Variants in SLC25A24 observed in about 807,000 individuals in gnomAD.
SLC25A24 encodes the protein solute carrier family 25 member 24.
Under a neutral mutation model 60.7 loss-of-function variants are expected in SLC25A24, and 49 were observed. The ratio of observed to expected loss-of-function variants is 0.81; its 90% CI spans 0.64 to 1.02. SLC25A24 has a LOEUF of 1.02. SLC25A24 is among the 50% of genes least tolerant of loss of function. The probability of loss-of-function intolerance (pLI) is 0.00; values close to 1 mark genes in which losing one functional copy is unlikely to be tolerated. For missense variants in SLC25A24, 564 were observed against 586.3 expected (o/e 0.96, Z 0.39); for synonymous variants, 202 against 200.6 (o/e 1.01, Z -0.06).
chr1:108,192,646 G>A lies in SLC25A24; in HGVS notation c.184-6692C>T, dbSNP rs1648380942. On this transcript the variant is annotated intron_variant, in intron 1 of 9. Transcript: ENST00000565488. ...TCGAGGATGTCTCCCTCGCAGCTCC[G>A]CGGCCTGAGTGAGCCCCAGCGGGGT... 3 of 1,488,610 alleles carry A rather than the reference G, an allele frequency of 2.0e-6. 1 individual carries two copies. The highest frequency in any genetic ancestry group is 4.2e-5 in the Admixed American group (2 of 47,096). 92.2% of individuals were successfully genotyped at this position (1,488,610 alleles called of 1,614,324 possible). A position where few individuals can be genotyped will look rare whatever the true frequency, so the allele number is the denominator to read the frequency against.
At chr1:108,193,379 C>G (rs552902063) in intron 1 of SLC25A24, among the ~76,000 whole-genome samples, 6 of 137,458 alleles carry the variant, frequency 4.4e-5, no homozygotes, top group African/African-American at 1.5e-4. Context: ...TTGTTCCCAT[C>G]TTTATGCCCC....
In SLC25A24 at chr1:108,135,945, C is replaced by T. The variant is rs372767657; in HGVS notation, c.*708G>A. The T allele has an allele frequency of 3.7e-4, 56 of 152,256 alleles. No homozygotes were observed. The highest frequency in any genetic ancestry group is 1.3e-3 in the African/African-American group (53 of 41,568). 9.4% of individuals were successfully genotyped at this position (152,256 alleles called of 1,614,324 possible). ...CTTTTCAAAGCAATGGCAGGATAAA[C>T]GGAATCTTTCAAATAAATTGCCTTG... On this transcript the variant is annotated 3_prime_UTR_variant, in exon 10 of 10. Coordinates refer to ENST00000565488, the MANE Select transcript of SLC25A24 (RefSeq NM_013386.5).
intron 3 of SLC25A24, among the ~76,000 whole-genome samples, chr1:108,180,859 A>G (rs919144274): frequency 6.6e-6 from 1 of 152,232 alleles, no homozygotes; most frequent in Non-Finnish European, 1.5e-5. Flanking sequence ...TTCTTAGTCT[A>G]TTCTGAAGCT....
In SLC25A24 at chr1:108,185,892, C is replaced by CT. The variant is rs1169535045; in HGVS notation, c.245dup (p.Tyr83ValfsTer3). The CT allele has an allele frequency of 4.4e-6, 7 of 1,592,174 alleles. No individual in the cohort carries two copies. The Admixed American group carries it at 1.0e-4, about 23-fold the overall frequency. On this transcript the variant is annotated frameshift_variant, in exon 2 of 10. Coordinates refer to ENST00000565488, the MANE Select transcript of SLC25A24 (RefSeq NM_013386.5). LOFTEE classifies it high-confidence loss of function. ...TTTTCTTCTCATGGTCTTTAAGGTACTTCATAAATTCTTCAAAATCCAGCT... is the reference window on the plus strand; with the variant it reads ...TTTTCTTCTCATGGTCTTTAAGGTACTTTCATAAATTCTTCAAAATCCAGCT...
At chr1:108,163,908 G>A (rs1680166120) in intron 3 of SLC25A24, among the ~76,000 whole-genome samples, 2 of 152,200 alleles carry the variant, frequency 1.3e-5, no homozygotes, top group South Asian at 4.1e-4. Context: ...TACCCAGTCA[G>A]TATGATATTG....
At chr1:108,182,343 C>T (rs1647960025) in intron 2 of SLC25A24, among the ~76,000 whole-genome samples, 1 of 152,122 alleles carries the variant, frequency 6.6e-6, no homozygotes, top group South Asian at 2.1e-4. Context: ...AGTAGCAGAA[C>T]TAAAATCCAA....
chr1:108,167,934 C>T (rs555990205), intron 3 of SLC25A24, among the ~76,000 whole-genome samples: 1 of 152,284 alleles, frequency 6.6e-6, no homozygotes, highest in Admixed American at 6.5e-5. Flanking sequence ...CCATTTGTAT[C>T]TGTTTTCTCC....
intron 1 of SLC25A24, among the ~76,000 whole-genome samples, chr1:108,196,574 G>A (rs1219934939): frequency 6.6e-6 from 1 of 152,204 alleles, no homozygotes; most frequent in Non-Finnish European, 1.5e-5. Context: ...CAACTGGGCT[G>A]CTATGACAAA....
chr1:108,177,622 A>C (rs1035204008), intron 3 of SLC25A24, among the ~76,000 whole-genome samples: 4 of 152,208 alleles, frequency 2.6e-5, no homozygotes, highest in Admixed American at 6.5e-5. Flanking sequence ...CTTTACTTGT[A>C]TCATATAAAA....
chr1:108,176,573 A>G (rs1647680396), intron 3 of SLC25A24, among the ~76,000 whole-genome samples: 1 of 152,190 alleles, frequency 6.6e-6, no homozygotes, highest in Admixed American at 6.5e-5. Flanking sequence ...CCCAAGACAT[A>G]TTACAATCAA....
chr1:108,143,606 T>TACAAAGGCTACAAAAGC lies in SLC25A24; in HGVS notation c.1034_1035insGCTTTTGTAGCCTTTGT (p.Gly346LeufsTer3). 1 of 1,613,864 alleles carries TACAAAGGCTACAAAAGC rather than the reference T, an allele frequency of 6.2e-7. No individual in the cohort carries two copies. Among genetic ancestry groups the TACAAAGGCTACAAAAGC allele is most frequent in the African/African-American group, 1.3e-5 (1 of 75,042 alleles). Reference sequence around the variant, plus strand: ...TACCTAATAAATTGGGAACATAGCCTTTGTAAAAAGCTCCCAAGCCTTCAT... The same window carrying TACAAAGGCTACAAAAGC: ...TACCTAATAAATTGGGAACATAGCCTACAAAGGCTACAAAAGCTTGTAAAAAGCTCCCAAGCCTTCAT... On this transcript the variant is annotated stop_gained and frameshift_variant, in exon 8 of 10. Transcript: ENST00000565488. LOFTEE classifies it high-confidence loss of function.
intron 3 of SLC25A24, among the ~76,000 whole-genome samples, chr1:108,172,207 T>G (rs965954277): frequency 6.6e-6 from 1 of 152,194 alleles, no homozygotes; most frequent in East Asian, 1.9e-4. Context: ...CTACTTCATA[T>G]CTACAGCTTC....
chr1:108,191,289 C>T (rs1173382087), intron 1 of SLC25A24, among the ~76,000 whole-genome samples: 1 of 138,414 alleles, frequency 7.2e-6, no homozygotes, highest in Non-Finnish European at 1.6e-5. Flanking sequence ...ACCACCACAC[C>T]CGGTTAATTT....
intron 1 of SLC25A24, among the ~76,000 whole-genome samples, chr1:108,198,221 G>A (rs1648556500): frequency 6.6e-6 from 1 of 152,082 alleles, no homozygotes; most frequent in South Asian, 2.1e-4. Flanking sequence ...TTCCACTATA[G>A]CAACACTAAA....
At chr1:108,157,678 G>T in intron 4 of SLC25A24, 58 bp from the exon 5 acceptor site, 1 of 1,558,546 alleles carries the variant, frequency 6.4e-7, no homozygotes, top group Non-Finnish European at 8.7e-7. Flanking sequence ...CCCAGAAGAC[G>T]TTTTGTTTTA....
chr1:108,185,725 T>A, intron 2 of SLC25A24, 103 bp downstream of exon 2: 1 of 823,112 alleles, frequency 1.2e-6, no homozygotes. Context: ...AAATAATAAT[T>A]ATCATCTAAA....
intron 3 of SLC25A24, among the ~76,000 whole-genome samples, chr1:108,162,723 A>T (rs1441895360): frequency 1.3e-5 from 2 of 151,508 alleles, no homozygotes. Context: ...GGTTGCAAAA[A>T]TTTTCTCCCA....
intron 3 of SLC25A24, among the ~76,000 whole-genome samples, chr1:108,176,066 G>A (rs1417763460): frequency 6.6e-6 from 1 of 152,034 alleles, no homozygotes; most frequent in Non-Finnish European, 1.5e-5. Flanking sequence ...TGTATGAACT[G>A]ACATAGAATT....
At chr1:108,149,203 T>C (rs537593681) in intron 6 of SLC25A24, among the ~76,000 whole-genome samples, 2 of 152,348 alleles carry the variant, frequency 1.3e-5, no homozygotes, top group African/African-American at 4.8e-5. Context: ...AGGTAATACA[T>C]AGAATTATAC....
Sources: allele counts gnomAD v4.1 joint callset (sites outside exome capture counted in the v4.1 genomes callset), GRCh38; gene constraint gnomAD v4.1.1; transcripts MANE v1.5; gene names NCBI Gene and HGNC (gene_info 2026-07-23, HGNC 2026-07-21).